Variants in SEC14L6 observed in about 807,000 individuals in gnomAD.
The protein encoded by SEC14L6 is SEC14 like lipid binding 6.
In SEC14L6, 40 loss-of-function variants were observed where a neutral mutation model predicts 54.1. The ratio of observed to expected loss-of-function variants is 0.74; its 90% CI spans 0.57 to 0.96. SEC14L6 has a LOEUF of 0.96. Among genes scored for constraint, SEC14L6 ranks in the 40% least tolerant of loss-of-function variants. SEC14L6 has a pLI of 0.00. For synonymous variants in SEC14L6, 171 were observed against 198.4 expected, an observed-to-expected ratio of 0.86 and a Z score of 1.16; for missense variants, 471 against 498.3, an observed-to-expected ratio of 0.95 and a Z score of 0.52.
At chr22:30,532,338 A>G in intron 5 of SEC14L6, 187 bp downstream of exon 5, 1 of 959,192 alleles carries the variant, frequency 1.0e-6, no homozygotes. Context: ...GGGAGAAATG[A>G]TTCCCAGTTC....
At chr22:30,536,114 G>C (rs1601892930) in intron 2 of SEC14L6, among the ~76,000 whole-genome samples, 1 of 151,774 alleles carries the variant, frequency 6.6e-6, no homozygotes. Flanking sequence ...CTCCTTCCTC[G>C]GCCTCCAAAA....
At chr22:30,528,923 C>G (rs5749116) in intron 8 of SEC14L6, among the ~76,000 whole-genome samples, 164 bp downstream of exon 8, 55,891 of 151,910 alleles carry the variant, frequency 0.37, 10,741 homozygotes, top group African/African-American at 0.47. Flanking sequence ...TCTTCCCTCT[C>G]GGGGGCAGGC....
chr22:30,541,562 G>T (rs1442119585), intron 1 of SEC14L6, among the ~76,000 whole-genome samples: 1 of 152,206 alleles, frequency 6.6e-6, no homozygotes, highest in Non-Finnish European at 1.5e-5. Flanking sequence ...AGGACGCTGA[G>T]GCAGAGAGTC....
intron 1 of SEC14L6, chr22:30,543,143 C>T (rs908697773): frequency 1.2e-6 from 2 of 1,603,532 alleles, no homozygotes; most frequent in Admixed American, 1.7e-5. Context: ...AATCAGCTCT[C>T]AGACTTCCAG....
intron 2 of SEC14L6, among the ~76,000 whole-genome samples, chr22:30,536,604 C>T (rs182212468): frequency 3.4e-4 from 52 of 152,346 alleles, no homozygotes; most frequent in African/African-American, 1.2e-3. Context: ...GCTAGCATAG[C>T]GACCTTGGTC....
At chr22:30,542,800 AAATT>A in intron 1 of SEC14L6, 1 of 1,592,794 alleles carries the variant, frequency 6.3e-7, no homozygotes. Context: ...ACCAGGCCGG[AAATT>A]AATCTACCAT....
At chr22:30,539,353 G>C (rs1311034156) in intron 1 of SEC14L6, among the ~76,000 whole-genome samples, 1 of 152,186 alleles carries the variant, frequency 6.6e-6, no homozygotes, top group East Asian at 1.9e-4. Context: ...CTCCAGCCTG[G>C]GGGACAAGAG....
At chr22:30,528,279 G>A (rs1055272499) in intron 8 of SEC14L6, among the ~76,000 whole-genome samples, 3 of 151,378 alleles carry the variant, frequency 2.0e-5, no homozygotes, top group Admixed American at 6.6e-5. Flanking sequence ...CTGCCACCAC[G>A]CCCGGCTAAT....
At chr22:30,542,573 A>G (rs891758490) in intron 1 of SEC14L6, 35 of 1,438,754 alleles carry the variant, frequency 2.4e-5, no homozygotes, top group Non-Finnish European at 3.0e-5. Flanking sequence ...GCCGCGGCCC[A>G]TGGAGCCCGC....
chr22:30,542,299 C>A (rs115510266), intron 1 of SEC14L6, among the ~76,000 whole-genome samples: 5,327 of 151,918 alleles, frequency 0.035, 253 homozygotes, highest in African/African-American at 0.11. Flanking sequence ...AAGGCAGACA[C>A]CCCCCCACCC....
intron 3 of SEC14L6, chr22:30,533,203 AC>A (rs11320801): frequency 0.73 from 699,571 of 959,198 alleles, 256,517 homozygotes; most frequent in Middle Eastern, 0.77. Flanking sequence ...AAAAACCTAT[AC>A]CCCCCTACAA....
At chr22:30,541,121 A>G (rs1302569154) in intron 1 of SEC14L6, among the ~76,000 whole-genome samples, 3 of 152,138 alleles carry the variant, frequency 2.0e-5, no homozygotes, top group African/African-American at 7.2e-5. Flanking sequence ...AACTTGTAAG[A>G]CTTTTCCCCT....
At chr22:30,544,113 C>G (rs1343380534) in intron 1 of SEC14L6, 1 of 1,360,508 alleles carries the variant, frequency 7.4e-7, no homozygotes, top group Non-Finnish European at 1.0e-6. Context: ...TAGCACCCAT[C>G]TCCATGCTCT....
Position 30,524,844 on chromosome 22 carries a change from C to A in SEC14L6, c.*153G>T. ...CACTAGGACACTGTCCCAGCCGTTC[C>A]TGAGGAGTGGGCCAGCTGTGATGCA... On this transcript the variant is annotated 3_prime_UTR_variant, in exon 12 of 12. Transcript: ENST00000402034. The A allele has an allele frequency of 1.6e-6, 1 of 612,372 alleles. No individual in the cohort carries two copies. Among genetic ancestry groups the A allele is most frequent in the African/African-American group, 1.8e-5 (1 of 54,594 alleles). 37.9% of individuals were successfully genotyped at this position (612,372 alleles called of 1,614,324 possible).
intron 8 of SEC14L6, among the ~76,000 whole-genome samples, chr22:30,528,833 T>G (rs767733341): frequency 1.3e-4 from 20 of 152,052 alleles, no homozygotes; most frequent in Non-Finnish European, 2.1e-4. Flanking sequence ...AGGCCAACTC[T>G]CAAATCCAGC....
intron 2 of SEC14L6, among the ~76,000 whole-genome samples, chr22:30,536,457 C>G (rs2085601659): frequency 6.6e-6 from 1 of 152,162 alleles, no homozygotes; most frequent in South Asian, 2.1e-4. Flanking sequence ...AGAATCCTGT[C>G]TGTGCATTCA....
intron 11 of SEC14L6, 103 bp downstream of exon 11, chr22:30,525,247 C>G (rs2146233600): frequency 7.0e-7 from 1 of 1,429,000 alleles, no homozygotes; most frequent in Non-Finnish European, 9.6e-7. Context: ...CACACTGTGC[C>G]CACCAGAACC....
intron 2 of SEC14L6, among the ~76,000 whole-genome samples, chr22:30,536,031 A>G (rs2146280030): frequency 6.6e-6 from 1 of 150,948 alleles, no homozygotes; most frequent in African/African-American, 2.4e-5. Context: ...GCTAAGTTTT[A>G]AAATTTTTTT....
intron 1 of SEC14L6, 50 bp from the exon 2 acceptor site, chr22:30,538,952 C>A: frequency 7.6e-7 from 1 of 1,309,862 alleles, no homozygotes; most frequent in South Asian, 1.3e-5. Context: ...CACCCTCGGT[C>A]CTGCAGGTCT....
Sources: gnomAD v4.1 joint callset for allele counts (sites outside exome capture counted in the v4.1 genomes callset) on GRCh38, gnomAD v4.1.1 for gene constraint, MANE v1.5 for transcripts, NCBI Gene and HGNC (gene_info 2026-07-23, HGNC 2026-07-21) for gene names.